XPOT: variants seen among roughly 807,000 people sequenced by gnomAD.
XPOT encodes the protein exportin-T.
In XPOT, 34 loss-of-function variants were observed where a neutral mutation model predicts 128.2. That is an observed-to-expected ratio of 0.27 (90% CI 0.20 to 0.35). The LOEUF (loss-of-function observed/expected upper bound fraction) is 0.35. XPOT is among the 10% of genes least tolerant of loss of function. XPOT has a pLI of 1.00. For synonymous variants in XPOT, 348 were observed against 394.3 expected (o/e 0.88, Z 1.39); for missense variants, 838 against 1,125.3 (o/e 0.74, Z 3.65).
At chr12:64,410,477 G>A (rs931052779) in intron 2 of XPOT, among the ~76,000 whole-genome samples, 3 of 151,826 alleles carry the variant, frequency 2.0e-5, no homozygotes, top group Non-Finnish European at 4.4e-5. Context: ...TTACCTTAAT[G>A]ATTTTTTTTT....
chr12:64,420,331 A>G, intron 7 of XPOT, 22 bp from the exon 8 acceptor site: 1 of 1,603,566 alleles, frequency 6.2e-7, no homozygotes, highest in Non-Finnish European at 8.5e-7. Context: ...AAAATGTTAC[A>G]ATTTTATTGT....
chr12:64,429,875 C>T (rs2040224561), intron 16 of XPOT, among the ~76,000 whole-genome samples, 174 bp from the exon 17 acceptor site: 1 of 152,048 alleles, frequency 6.6e-6, no homozygotes, highest in Non-Finnish European at 1.5e-5. Context: ...ATCTGTTGAC[C>T]TCTAATTTAG....
At chr12:64,420,602 CT>C (rs944134081) in intron 8 of XPOT, 81 bp downstream of exon 8, 91 of 1,091,036 alleles carry the variant, frequency 8.3e-5, no homozygotes, top group Admixed American at 2.2e-4. Context: ...ATAATAATAG[CT>C]TTTTTTCTTC....
chr12:64,427,280 C>T (rs766710229), intron 15 of XPOT, among the ~76,000 whole-genome samples: 27 of 151,758 alleles, frequency 1.8e-4, no homozygotes, highest in Non-Finnish European at 2.8e-4. Flanking sequence ...TCGCCACACC[C>T]GGCTAATTTT....
rs570027866 is a variant in XPOT at position 64,440,304 on chromosome 12, A to G, written c.2805+989A>G. Among the ~76,000 whole-genome samples the G allele has an allele frequency of 4.6e-5, 7 of 152,268 alleles. No individual in the cohort carries two copies. In the East Asian group the frequency reaches 1.3e-3, roughly 29 times the overall value. ...GTTGTTACATATGGCAGGATTTCGCAATTTTTTAAGGCTGAATAACATGCC... is the reference window on the plus strand; with the variant it reads ...GTTGTTACATATGGCAGGATTTCGCGATTTTTTAAGGCTGAATAACATGCC... On this transcript the variant is annotated intron_variant, in intron 23 of 24. Transcript: ENST00000332707.
chr12:64,406,766 C>T (rs1012108252), intron 1 of XPOT, among the ~76,000 whole-genome samples: 2 of 152,208 alleles, frequency 1.3e-5, no homozygotes, highest in East Asian at 3.9e-4. Context: ...ATCGTTTTTT[C>T]TCTCTGTGGG....
intron 14 of XPOT, 33 bp downstream of exon 14, chr12:64,425,490 G>A: frequency 1.2e-6 from 2 of 1,608,398 alleles, no homozygotes; most frequent in Non-Finnish European, 1.7e-6. Flanking sequence ...ACTTTCCATG[G>A]GTTTCAGCTA....
chr12:64,424,551 C>T (rs749049943), intron 11 of XPOT, 48 bp from the exon 12 acceptor site: 8 of 1,602,324 alleles, frequency 5.0e-6, no homozygotes, highest in South Asian at 1.1e-5. Context: ...TTTGCTGCGC[C>T]GATCAACCCA....
chr12:64,408,400 G>A (rs1472220184), intron 1 of XPOT, among the ~76,000 whole-genome samples: 2 of 152,074 alleles, frequency 1.3e-5, no homozygotes, highest in African/African-American at 2.4e-5. Context: ...GAGCCAGCAC[G>A]CCTGGCCCCC....
chr12:64,409,502 A>C (rs557316955), intron 1 of XPOT, among the ~76,000 whole-genome samples: 1 of 152,170 alleles, frequency 6.6e-6, no homozygotes, highest in Non-Finnish European at 1.5e-5. Flanking sequence ...TTGGGAGGCC[A>C]AGGCGGGCGG....
intron 23 of XPOT, among the ~76,000 whole-genome samples, chr12:64,440,174 T>C (rs1452076311): frequency 6.6e-6 from 1 of 152,208 alleles, no homozygotes; most frequent in Non-Finnish European, 1.5e-5. Flanking sequence ...TACTCTCTGA[T>C]TCTGTGAATT....
chr12:64,427,811 A>G (rs1207904400), intron 15 of XPOT, among the ~76,000 whole-genome samples: 1 of 151,990 alleles, frequency 6.6e-6, no homozygotes, highest in Non-Finnish European at 1.5e-5. Flanking sequence ...TACTAGTACT[A>G]TTTTTTGCGA....
intron 19 of XPOT, 56 bp from the exon 20 acceptor site, chr12:64,434,450 AG>A: frequency 3.4e-6 from 4 of 1,170,508 alleles, no homozygotes; most frequent in Non-Finnish European, 5.1e-6. Context: ...AGAGAACTTC[AG>A]GTTGCTTTCC....
chr12:64,441,862 T>A (rs1240217706), intron 23 of XPOT, among the ~76,000 whole-genome samples: 5 of 151,554 alleles, frequency 3.3e-5, no homozygotes, highest in African/African-American at 9.7e-5. Context: ...CTAATTTTTG[T>A]TTTTGCTTTT....
chr12:64,439,033 T>G (rs928878466), intron 22 of XPOT, among the ~76,000 whole-genome samples: 1 of 152,178 alleles, frequency 6.6e-6, no homozygotes, highest in African/African-American at 2.4e-5. Flanking sequence ...GTAACAAAAC[T>G]GCATGTTCTG....
intron 17 of XPOT, among the ~76,000 whole-genome samples, 182 bp from the exon 18 acceptor site, chr12:64,431,356 T>C (rs1312278590): frequency 1.3e-5 from 2 of 152,240 alleles, no homozygotes; most frequent in Admixed American, 1.3e-4. Context: ...GAAAGATCAT[T>C]GGAAGCAGTA....
At chr12:64,432,125 A>T (rs1010806306) in intron 18 of XPOT, among the ~76,000 whole-genome samples, 2 of 152,234 alleles carry the variant, frequency 1.3e-5, no homozygotes, top group African/African-American at 4.8e-5. Flanking sequence ...AATAAGCACC[A>T]TAATTCAGGT....
chr12:64,445,069 C>A lies in XPOT; in HGVS notation c.2806-6C>A. The A allele has an allele frequency of 6.2e-7, 1 of 1,608,264 alleles. No homozygotes were observed. The highest frequency in any genetic ancestry group is 2.2e-5 in the East Asian group (1 of 44,696). The stretch of plus-strand genomic sequence containing the variant: ...TCTTTTTCTCCCTCTTTTCCCCACC[C>A]CCCAGGAGTTTTGTCAAGCGCTTCA... On this transcript the variant is annotated splice_region_variant and splice_polypyrimidine_tract_variant and intron_variant, in intron 23 of 24. Coordinates refer to ENST00000332707, the MANE Select transcript of XPOT (RefSeq NM_007235.6).
At chr12:64,417,984 A>T (rs2040103050) in intron 4 of XPOT, 62 bp from the exon 5 acceptor site, 2 of 1,373,994 alleles carry the variant, frequency 1.5e-6, no homozygotes, top group South Asian at 2.7e-5. Flanking sequence ...TGAGGCTGTT[A>T]TTTTTTACAA....
Sources: allele counts gnomAD v4.1 joint callset (sites outside exome capture counted in the v4.1 genomes callset), GRCh38; gene constraint gnomAD v4.1.1; transcripts MANE v1.5; gene names NCBI Gene and HGNC (gene_info 2026-07-23, HGNC 2026-07-21).